AMN: variants seen among roughly 807,000 people sequenced by gnomAD.
AMN encodes protein amnionless.
AMN carries 40 observed loss-of-function variants against 49.1 expected under a neutral mutation model. That is an observed-to-expected ratio of 0.81 (90% confidence interval 0.63 to 1.06). AMN has a LOEUF of 1.06. AMN is among the 50% of genes least tolerant of loss of function. The pLI is 0.00. For synonymous variants in AMN, 380 were observed against 313.3 expected (o/e 1.21, Z -2.25); for missense variants, 701 against 662.8 (o/e 1.06, Z -0.63).
chr14:102,922,703 C>T lies in AMN; in HGVS notation c.15C>T (p.Gly5=), dbSNP rs1411810327. 1.3e-6 allele frequency: 2 copies of T among 1,597,544 alleles called. No homozygotes were observed. The highest frequency in any genetic ancestry group is 1.7e-6 in the Non-Finnish European group (2 of 1,175,108). The change falls in exon 1 of 12, where the codon GGC becomes GGT. Residue 5 remains glycine, a synonymous_variant. Coordinates refer to ENST00000299155, the MANE Select transcript of AMN (RefSeq NM_030943.4). MGVL[G]RVLLWLQLCA... ...GCCGAGGCGAGATGGGCGTCCTGGG[C>T]CGGGTCCTGCTGTGGCTGCAGCTCT...
chr14:102,923,892 TG>T, intron 2 of AMN, 42 bp from the exon 3 acceptor site: 1 of 1,612,662 alleles, frequency 6.2e-7, no homozygotes, highest in South Asian at 1.1e-5. Context: ...GTGGCCCCGG[TG>T]GGGGTTGCTC....
chr14:102,928,586 G>C (rs945435433), intron 4 of AMN, 73 bp downstream of exon 4: 1 of 1,524,950 alleles, frequency 6.6e-7, no homozygotes, highest in Non-Finnish European at 8.8e-7. Flanking sequence ...AAGGCGCGTC[G>C]AGGGGGGCGA....
chr14:102,925,918 G>A (rs188309663), intron 3 of AMN, among the ~76,000 whole-genome samples: 3 of 152,300 alleles, frequency 2.0e-5, no homozygotes, highest in East Asian at 3.9e-4. Context: ...GATGAGGCCC[G>A]AGTAACAGGC....
chr14:102,928,585 C>G, intron 4 of AMN, 72 bp downstream of exon 4: 1 of 1,522,674 alleles, frequency 6.6e-7, no homozygotes, highest in African/African-American at 1.4e-5. Context: ...GAAGGCGCGT[C>G]GAGGGGGGCG....
chr14:102,929,926 T>G lies in AMN; in HGVS notation c.846T>G (p.Pro282=), dbSNP rs1891294780. The G allele has an allele frequency of 1.9e-6, 3 of 1,557,190 alleles. No individual in the cohort carries two copies. The East Asian group carries it at 7.3e-5, about 38-fold the overall frequency. ...ACCAACCCCGTCCCCCTCCCCAGCC[T>G]CAGTACCACGGGCTGCAGGTGGCCG... ...ARILDTFLGL[P]QYHGLQVAVS... The change falls in exon 9 of 12, where the codon CCT becomes CCG. Residue 282 remains proline (P), a splice_region_variant and synonymous_variant. Coordinates refer to ENST00000299155, the MANE Select transcript of AMN (RefSeq NM_030943.4).
intron 9 of AMN, 39 bp downstream of exon 9, chr14:102,930,125 C>T: frequency 6.7e-7 from 1 of 1,501,736 alleles, no homozygotes. Flanking sequence ...CCGCGCCTCG[C>T]CCCGCCGCGG....
rs1566829308 is a variant in AMN, at chr14:102,930,265, G to GCTGCTGGCGCTGCTGGTC, written c.1115_1132dup (p.Ala372_Leu377dup). The GCTGCTGGCGCTGCTGGTC allele has an allele frequency of 7.2e-7, 1 of 1,380,566 alleles. No homozygotes were observed. Among genetic ancestry groups the GCTGCTGGCGCTGCTGGTC allele is most frequent in the Non-Finnish European group, 9.3e-7 (1 of 1,070,520 alleles). The allele number at this position is 1,380,566 out of a possible 1,614,324, so 85.5% of individuals were successfully genotyped here. ...TGGCGGGCGGCGTGGCGGCTGCCGT[G>GCTGCTGGCGCTGCTGGTC]CTGCTGGCGCTGCTGGTCCTGCTGG... On this transcript the variant is annotated inframe_insertion, in exon 10 of 12. Transcript: ENST00000299155.
In AMN at chr14:102,930,557, T is replaced by TGACCCTGTCACCCCGCAGCCC; in HGVS notation, c.1258-18_1260dup. 1 of 1,558,492 alleles carries TGACCCTGTCACCCCGCAGCCC rather than the reference T, an allele frequency of 6.4e-7. No individual in the cohort carries two copies. Among genetic ancestry groups the TGACCCTGTCACCCCGCAGCCC allele is most frequent in the Non-Finnish European group, 8.7e-7 (1 of 1,153,074 alleles). ...CCGGGACTCGGCGCCGACCGCCGCC[T>TGACCCTGTCACCCCGCAGCCC]GACCCTGTCACCCCGCAGCCCCTGC... is the stretch of plus-strand genomic sequence containing the variant. On this transcript the variant is annotated intron_variant, in intron 11 of 11. Transcript: ENST00000299155.
rs2139310291 is a variant in AMN at position 102,929,265 on chromosome 14, G to C, written c.651+7G>C. On this transcript the variant is annotated splice_region_variant and intron_variant, in intron 6 of 11. Transcript: ENST00000299155. Reference sequence around the variant, plus strand: ...CGTCTGCGGCAACGCGGAGGTGAGCGAGGCCGCAGTGGAGTCGCGGGGGCC... The same window carrying C: ...CGTCTGCGGCAACGCGGAGGTGAGCCAGGCCGCAGTGGAGTCGCGGGGGCC... 1.4e-6 allele frequency: 2 copies of C among 1,465,504 alleles called. No homozygotes were observed. The highest frequency in any genetic ancestry group is 2.6e-5 in the East Asian group (1 of 38,526). 90.8% of individuals were successfully genotyped at this position (1,465,504 alleles called of 1,614,324 possible). A position where few individuals can be genotyped will look rare whatever the true frequency, so the allele number is the denominator to read the frequency against.
intron 1 of AMN, 112 bp downstream of exon 1, chr14:102,922,843 G>A (rs1419394204): frequency 9.9e-6 from 14 of 1,415,438 alleles, no homozygotes; most frequent in Admixed American, 2.0e-5. Flanking sequence ...TGGGCAGGGA[G>A]GGCTTTGGAG....
intron 3 of AMN, among the ~76,000 whole-genome samples, chr14:102,927,706 C>G (rs566888945): frequency 6.6e-6 from 1 of 152,210 alleles, no homozygotes; most frequent in East Asian, 1.9e-4. Flanking sequence ...CCCTCAGCCC[C>G]TGAGGGAGAA....
In AMN at chr14:102,928,989, G is replaced by A. The variant is rs762667606; in HGVS notation, c.513+14G>A. 14 of 1,597,062 alleles carry A rather than the reference G, an allele frequency of 8.8e-6. No individual in the cohort carries two copies. Among genetic ancestry groups the A allele is most frequent in the Non-Finnish European group, 1.2e-5 (14 of 1,178,884 alleles). The stretch of plus-strand genomic sequence containing the variant: ...GCTCTGGGCCGGGTGAGCACTGAGG[G>A]GAGGGAGGCTCGGGTCCCCTCTCCC... On this transcript the variant is annotated intron_variant, in intron 5 of 11. Transcript: ENST00000299155.
chr14:102,922,688 G>C lies in AMN; in HGVS notation c.-1G>C. 1 of 1,600,020 alleles carries C rather than the reference G, an allele frequency of 6.2e-7. No individual in the cohort carries two copies. Among genetic ancestry groups the C allele is most frequent in the Non-Finnish European group, 8.5e-7 (1 of 1,176,086 alleles). On this transcript the variant is annotated 5_prime_UTR_variant, in exon 1 of 12. Transcript: ENST00000299155. ...GGTGGGGTGCAAGGAGCCGAGGCGA[G>C]ATGGGCGTCCTGGGCCGGGTCCTGC...
intron 7 of AMN, 35 bp from the exon 8 acceptor site, chr14:102,929,620 G>T: frequency 6.5e-7 from 1 of 1,548,134 alleles, no homozygotes; most frequent in Non-Finnish European, 8.7e-7. Context: ...GCCGGGCCCG[G>T]ATCCACGGCG....
rs1401073549 is a variant in AMN, at chr14:102,930,409, G to A, written c.1173G>A (p.Trp391Ter). Residue 391 changes from tryptophan to a stop codon, truncating the protein, a stop_gained, in exon 11 of 12, where the codon TGG becomes TGA. Coordinates refer to ENST00000299155, the MANE Select transcript of AMN (RefSeq NM_030943.4). LOFTEE classifies it high-confidence loss of function. Reference sequence around the variant, plus strand: ...TGCGTCCCCGCTACGCCCTCAGGTGGAGGAGGCACGAGGCGGCGGCCCCGG... The same window carrying A: ...TGCGTCCCCGCTACGCCCTCAGGTGAAGGAGGCACGAGGCGGCGGCCCCGG... ...PLLRRAGRLR[W>*]RRHEAAAPAG... The A allele has an allele frequency of 7.9e-6, 12 of 1,519,068 alleles. No individual in the cohort carries two copies. The highest frequency in any genetic ancestry group is 2.0e-5 in the Admixed American group (1 of 49,692). 94.1% of individuals were successfully genotyped at this position (1,519,068 alleles called of 1,614,324 possible).
Position 102,929,745 on chromosome 14 carries a change from G to A in AMN, c.843+8G>A. 1 of 1,549,560 alleles carries A rather than the reference G, an allele frequency of 6.5e-7. No homozygotes were observed. Among genetic ancestry groups the A allele is most frequent in the Non-Finnish European group, 8.7e-7 (1 of 1,146,906 alleles). ...GACACCTTCCTGGGTCTGGTAATGG[G>A]GCCGCGCGGGCAGCTGAGGGGAGTC... On this transcript the variant is annotated splice_region_variant and intron_variant, in intron 8 of 11. Coordinates refer to ENST00000299155, the MANE Select transcript of AMN (RefSeq NM_030943.4).
intron 4 of AMN, 82 bp downstream of exon 4, chr14:102,928,595 G>A: frequency 6.6e-7 from 1 of 1,515,372 alleles, no homozygotes; most frequent in African/African-American, 1.4e-5. Context: ...CGAGGGGGGC[G>A]AGGACCGGAG....
intron 3 of AMN, among the ~76,000 whole-genome samples, chr14:102,927,948 T>C (rs1034336369): frequency 1.3e-5 from 2 of 152,184 alleles, no homozygotes; most frequent in Non-Finnish European, 2.9e-5. Flanking sequence ...GGCCGCCAGA[T>C]GCAGCCTCTC....
At chr14:102,923,541 C>CAACG (rs1491439685) in intron 1 of AMN, 170 bp from the exon 2 acceptor site, 17 of 676,956 alleles carry the variant, frequency 2.5e-5, no homozygotes, top group Non-Finnish European at 5.2e-6. Flanking sequence ...GCAGGGCGCC[C>CAACG]ACAGTCTGGC....
Sources: allele counts gnomAD v4.1 joint callset (sites outside exome capture counted in the v4.1 genomes callset), GRCh38; gene constraint gnomAD v4.1.1; transcripts MANE v1.5; gene names NCBI Gene and HGNC (gene_info 2026-07-23, HGNC 2026-07-21).